TRAPPC9: variants seen among roughly 807,000 people sequenced by gnomAD.
The protein encoded by TRAPPC9 is trafficking protein particle complex subunit 9.
TRAPPC9 carries 83 observed loss-of-function variants against 124.0 expected under a neutral mutation model. That is an observed-to-expected ratio of 0.67 (90% CI 0.56 to 0.80). The LOEUF is 0.80. Ranked by LOEUF, TRAPPC9 falls within the 30% of genes least tolerant of loss-of-function variation. The pLI, the probability that TRAPPC9 is intolerant of heterozygous loss-of-function variation, is 0.00. For synonymous variants in TRAPPC9, 638 were observed against 617.5 expected (o/e 1.03, Z -0.49); for missense variants, 1,302 against 1,508.3 (o/e 0.86, Z 2.27).
chr8:139,845,254 AG>A (rs1464615984), intron 21 of TRAPPC9, among the ~76,000 whole-genome samples: 20 of 152,068 alleles, frequency 1.3e-4, no homozygotes, highest in African/African-American at 4.6e-4. Context: ...GGGTATGGGG[AG>A]GGGGAAAGGA....
At chr8:140,131,603 G>A (rs553116710) in intron 17 of TRAPPC9, among the ~76,000 whole-genome samples, 86 of 152,282 alleles carry the variant, frequency 5.6e-4, no homozygotes, top group Admixed American at 2.2e-3. Context: ...CTCCTAGACG[G>A]CCCCGTCCTA....
intron 21 of TRAPPC9, among the ~76,000 whole-genome samples, chr8:139,732,822 G>A (rs921443664): frequency 6.6e-6 from 1 of 152,214 alleles, no homozygotes; most frequent in South Asian, 2.1e-4. Flanking sequence ...CAGGGAAGTG[G>A]CACGGTTCTG....
chr8:139,917,758 C>T (rs1382352796), intron 19 of TRAPPC9, among the ~76,000 whole-genome samples: 1 of 152,232 alleles, frequency 6.6e-6, no homozygotes, highest in Non-Finnish European at 1.5e-5. Context: ...ACGGAGAAGT[C>T]AAAGCCAGGC....
At chr8:140,100,035 G>C (rs2060545699) in intron 17 of TRAPPC9, 1 of 151,350 alleles carries the variant, frequency 6.6e-6, no homozygotes, top group East Asian at 2.0e-4. Flanking sequence ...CTAGAGCAAG[G>C]GACTGCGGAA....
At chr8:140,190,293 T>C (rs193060567) in intron 17 of TRAPPC9, among the ~76,000 whole-genome samples, 133 of 152,004 alleles carry the variant, frequency 8.7e-4, no homozygotes, top group Non-Finnish European at 1.4e-3. Context: ...CTGTCTCTAC[T>C]AAAAATACAA....
At chr8:139,923,703 C>G (rs1472004830) in intron 19 of TRAPPC9, among the ~76,000 whole-genome samples, 2 of 152,182 alleles carry the variant, frequency 1.3e-5, no homozygotes, top group African/African-American at 2.4e-5. Flanking sequence ...CTTTCTAGCA[C>G]CTGACTCAAT....
At chr8:140,155,067 G>C (rs564249351) in intron 17 of TRAPPC9, among the ~76,000 whole-genome samples, 1 of 152,194 alleles carries the variant, frequency 6.6e-6, no homozygotes, top group Non-Finnish European at 1.5e-5. Flanking sequence ...GCACTCAGCC[G>C]AGGCTCAATA....
chr8:140,077,095 G>A (rs1843556562), intron 17 of TRAPPC9, among the ~76,000 whole-genome samples: 2 of 152,086 alleles, frequency 1.3e-5, no homozygotes, highest in South Asian at 4.1e-4. Flanking sequence ...GAACCCAGGA[G>A]GTAAAGGATA....
intron 17 of TRAPPC9, chr8:140,094,823 C>T (rs796212900): frequency 5.9e-5 from 9 of 152,294 alleles, no homozygotes; most frequent in African/African-American, 2.2e-4. Flanking sequence ...GTCTAAGTTC[C>T]CTCATCTACA....
At chr8:139,807,488 C>T (rs769447859) in intron 21 of TRAPPC9, among the ~76,000 whole-genome samples, 8 of 152,158 alleles carry the variant, frequency 5.3e-5, no homozygotes, top group Non-Finnish European at 1.2e-4. Context: ...GGACCCTACA[C>T]GGGGCGCTTC....
chr8:140,357,492 T>TG (rs1563970788), intron 9 of TRAPPC9, among the ~76,000 whole-genome samples: 1 of 151,594 alleles, frequency 6.6e-6, no homozygotes, highest in East Asian at 1.9e-4. Flanking sequence ...GGACATGCCA[T>TG]GGGTCAGGGA....
chr8:139,820,877 A>AT (rs1825209373), intron 21 of TRAPPC9, among the ~76,000 whole-genome samples: 1 of 152,254 alleles, frequency 6.6e-6, no homozygotes, highest in Non-Finnish European at 1.5e-5. Flanking sequence ...ATATGCACAA[A>AT]TGAATTCCAG....
chr8:139,821,260 A>G (rs1306692138), intron 21 of TRAPPC9, among the ~76,000 whole-genome samples: 1 of 152,278 alleles, frequency 6.6e-6, no homozygotes, highest in African/African-American at 2.4e-5. Flanking sequence ...AGCAAGTGAA[A>G]GCAGCAACAA....
intron 17 of TRAPPC9, among the ~76,000 whole-genome samples, chr8:140,204,677 ACAC>A (rs563946395): frequency 2.4e-3 from 372 of 152,280 alleles, no homozygotes; most frequent in Middle Eastern, 6.8e-3. Context: ...TCCCTGTGAC[ACAC>A]CAGCTCCCCC....
chr8:140,254,897 C>T (rs1021744265), intron 15 of TRAPPC9, among the ~76,000 whole-genome samples: 8 of 152,192 alleles, frequency 5.3e-5, no homozygotes, highest in Non-Finnish European at 7.3e-5. Flanking sequence ...AAGTCCTGGT[C>T]GGAAGACCCA....
rs1563804333 is a variant in TRAPPC9, at chr8:140,157,044, T to TTTTCCATTCAAAAGCCTCCC, written c.2556+64395_2556+64414dup. On this transcript the variant is annotated intron_variant, in intron 17 of 22. Transcript: ENST00000438773. Reference sequence around the variant, plus strand: ...TCCCTTTTCCATTCAAAAGCCTCCCTTTTCCATTCAAAAGCCTCCCTTTCC... The same window carrying TTTTCCATTCAAAAGCCTCCC: ...TCCCTTTTCCATTCAAAAGCCTCCCTTTTCCATTCAAAAGCCTCCCTTTCCATTCAAAAGCCTCCCTTTCC... 1.3e-3 allele frequency among the ~76,000 whole-genome samples: 35 copies of TTTTCCATTCAAAAGCCTCCC among 26,598 alleles called. 4 individuals carry two copies. Among genetic ancestry groups the TTTTCCATTCAAAAGCCTCCC allele is most frequent in the African/African-American group, 5.4e-3 (29 of 5,356 alleles). 17.4% of individuals were successfully genotyped at this position (26,598 alleles called of 152,430 possible).
At chr8:140,215,135 A>C (rs2063160061) in intron 17 of TRAPPC9, among the ~76,000 whole-genome samples, 1 of 152,126 alleles carries the variant, frequency 6.6e-6, no homozygotes, top group South Asian at 2.1e-4. Flanking sequence ...CGACAACCAG[A>C]AAATGCCGCA....
intron 21 of TRAPPC9, among the ~76,000 whole-genome samples, chr8:139,753,765 C>T (rs1307135858): frequency 1.3e-5 from 2 of 152,242 alleles, no homozygotes; most frequent in South Asian, 2.1e-4. Flanking sequence ...TCATTTGTAA[C>T]ATGGACTAAG....
intron 9 of TRAPPC9, among the ~76,000 whole-genome samples, chr8:140,315,922 T>C (rs1410869240): frequency 6.6e-6 from 1 of 152,204 alleles, no homozygotes; most frequent in Non-Finnish European, 1.5e-5. Context: ...GTGTACATTA[T>C]CAGTAATAAT....
Sources: allele counts gnomAD v4.1 joint callset (sites outside exome capture counted in the v4.1 genomes callset), GRCh38; gene constraint gnomAD v4.1.1; transcripts MANE v1.5; gene names NCBI Gene and HGNC (gene_info 2026-07-23, HGNC 2026-07-21).